HEBP1: variants seen among roughly 807,000 people sequenced by gnomAD.
HEBP1 encodes heme binding protein 1.
HEBP1 carries 13 observed loss-of-function variants against 20.4 expected under a neutral mutation model. That is an observed-to-expected ratio of 0.64 (90% confidence interval 0.42 to 1.01). The LOEUF (loss-of-function observed/expected upper bound fraction) is 1.01, where lower values mean the gene tolerates loss of function less well. Among genes scored for constraint, HEBP1 ranks in the 50% least tolerant of loss-of-function variants. The probability of loss-of-function intolerance (pLI) is 0.00; values close to 1 mark genes in which losing one functional copy is unlikely to be tolerated. For synonymous variants in HEBP1, 92 were observed against 90.7 expected (o/e 1.01, Z -0.08); for missense variants, 241 against 247.3 (o/e 0.97, Z 0.17).
intron 1 of HEBP1, among the ~76,000 whole-genome samples, chr12:12,992,788 A>G (rs1020186025): frequency 6.6e-6 from 1 of 152,154 alleles, no homozygotes; most frequent in Non-Finnish European, 1.5e-5. Flanking sequence ...GAGCGCACCT[A>G]CCCTTGGCAC....
At chr12:12,995,939 G>T (rs1864283777) in intron 1 of HEBP1, among the ~76,000 whole-genome samples, 1 of 152,160 alleles carries the variant, frequency 6.6e-6, no homozygotes, top group Non-Finnish European at 1.5e-5. Context: ...CCAGACAAAG[G>T]TTTAACAAGA....
chr12:12,993,181 CTT>C (rs1361158926), intron 1 of HEBP1, among the ~76,000 whole-genome samples: 182 of 111,004 alleles, frequency 1.6e-3, no homozygotes, highest in African/African-American at 5.8e-3. Context: ...CTCTCTCTCT[CTT>C]TCTTTCTCTT....
intron 3 of HEBP1, among the ~76,000 whole-genome samples, chr12:12,978,086 G>A (rs76084364): frequency 9.2e-5 from 14 of 152,066 alleles, no homozygotes; most frequent in African/African-American, 3.4e-4. Flanking sequence ...AGGGGACAGT[G>A]GTGGGAACTG....
chr12:12,999,982 G>T, intron 1 of HEBP1, 55 bp downstream of exon 1: 1 of 1,247,614 alleles, frequency 8.0e-7, no homozygotes, highest in Admixed American at 1.8e-5. Context: ...GCCCCGACGA[G>T]GGTGGGGGTG....
intron 3 of HEBP1, chr12:12,977,726 A>C (rs1864010642): frequency 6.6e-6 from 1 of 152,144 alleles, no homozygotes; most frequent in Non-Finnish European, 1.5e-5. Flanking sequence ...ACCCCATCCC[A>C]ATCTTCTTCC....
intron 1 of HEBP1, among the ~76,000 whole-genome samples, chr12:12,995,319 G>A (rs1408477617): frequency 6.6e-6 from 1 of 152,116 alleles, no homozygotes; most frequent in Non-Finnish European, 1.5e-5. Flanking sequence ...AGCCCCACAG[G>A]GTAAGGACTG....
At chr12:12,985,182 T>C (rs1447479200) in intron 3 of HEBP1, among the ~76,000 whole-genome samples, 1 of 151,988 alleles carries the variant, frequency 6.6e-6, no homozygotes, top group African/African-American at 2.4e-5. Context: ...AATCTGAGCA[T>C]TGAATATTTT....
At position 12,998,684 on chromosome 12, in the gene HEBP1, G is replaced by C. The variant is rs1864318975; in HGVS notation, c.78+1353C>G. On this transcript the variant is annotated intron_variant, in intron 1 of 3. Coordinates refer to ENST00000014930, the MANE Select transcript of HEBP1 (RefSeq NM_015987.5). The surrounding 1 kb of genome is among the most constrained non-coding windows in gnomAD (Gnocchi z 4.2). ...TAATTGAGGGCTTTCGTGATATGAA[G>C]ATCATTGTACTAGGTATCAGAACTT... 6.6e-6 allele frequency among the ~76,000 whole-genome samples: 1 copy of C among 152,214 alleles called. No individual in the cohort carries two copies. Among genetic ancestry groups the C allele is most frequent in the African/African-American group, 2.4e-5 (1 of 41,458 alleles).
chr12:12,989,556 C>T, intron 1 of HEBP1, 141 bp from the exon 2 acceptor site: 5 of 652,420 alleles, frequency 7.7e-6, no homozygotes, highest in Non-Finnish European at 5.2e-6. Flanking sequence ...GTATGAAGGG[C>T]CATGAGAAAT....
At chr12:12,985,635 G>A (rs1864142780) in intron 3 of HEBP1, 2 of 152,110 alleles carry the variant, frequency 1.3e-5, no homozygotes, top group Admixed American at 6.6e-5. Context: ...TGAACAGACA[G>A]AAGGGGTAAT....
At chr12:12,976,631 A>C (rs1348173693) in intron 3 of HEBP1, among the ~76,000 whole-genome samples, 1 of 152,254 alleles carries the variant, frequency 6.6e-6, no homozygotes, top group Non-Finnish European at 1.5e-5. Context: ...TGTGGATTGC[A>C]GCATCACTGA....
Position 12,987,195 on chromosome 12 carries a change from T to G in HEBP1, c.355A>C (p.Ser119Arg), listed in dbSNP as rs1864163530. Residue 119 changes from serine (S) to arginine (R), a missense_variant, in exon 3 of 4, where the codon AGC becomes CGC. By Grantham distance (110) the Ser-to-Arg change is moderately radical (BLOSUM62 -1). Transcript: ENST00000014930. Reference protein sequence around the residue: ...QSDPPAPSDKSVKIEEREGIT... With the variant: ...QSDPPAPSDKRVKIEEREGIT... ...CCTTCCCGTTCCTCAATCTTAACGCTTTTGTCACTGGGAGCTGGTGGGTCG... is the reference window on the plus strand; with the variant it reads ...CCTTCCCGTTCCTCAATCTTAACGCGTTTGTCACTGGGAGCTGGTGGGTCG... 1 of 1,613,962 alleles carries G rather than the reference T, an allele frequency of 6.2e-7. No individual in the cohort carries two copies. The highest frequency in any genetic ancestry group is 1.3e-5 in the African/African-American group (1 of 74,908).
intron 1 of HEBP1, among the ~76,000 whole-genome samples, chr12:12,991,096 G>C (rs190719458): frequency 2.0e-5 from 3 of 152,256 alleles, no homozygotes; most frequent in East Asian, 3.9e-4. Context: ...CTGGTCTCCC[G>C]CAGAGCTGGC....
intron 1 of HEBP1, among the ~76,000 whole-genome samples, chr12:12,992,744 C>T (rs1864240186): frequency 6.6e-6 from 1 of 152,160 alleles, no homozygotes; most frequent in African/African-American, 2.4e-5. Flanking sequence ...CTTTCTGTTG[C>T]TGCAGAGAAT....
chr12:12,985,610 C>T (rs987393918), intron 3 of HEBP1: 2 of 152,058 alleles, frequency 1.3e-5, no homozygotes, highest in Non-Finnish European at 2.9e-5. Flanking sequence ...TATCTCATTC[C>T]TTATGAAATA....
intron 3 of HEBP1, chr12:12,983,534 GT>G (rs1812130303): frequency 2.8e-6 from 1 of 358,692 alleles, no homozygotes; most frequent in African/African-American, 2.1e-5. Flanking sequence ...ATTTGAAGTA[GT>G]ACATTTGCCT....
Position 12,989,350 on chromosome 12 carries a change from A to T in HEBP1, c.144T>A (p.Asp48Glu). 2.5e-6 allele frequency: 4 copies of T among 1,614,186 alleles called. No individual in the cohort carries two copies. The highest frequency in any genetic ancestry group is 3.4e-6 in the Non-Finnish European group (4 of 1,180,010). ...GGKFATVEVTDKPVDEALREA... is the reference protein window; with the variant it reads ...GGKFATVEVTEKPVDEALREA... ...CCCGTAGAGCCTCATCCACAGGCTT[A>T]TCTGTCACTTCTACTGTGGCAAATT... Residue 48 changes from aspartate (D) to glutamate (E), a missense_variant, in exon 2 of 4, where the codon GAT (aspartate) becomes GAA (glutamate). Asp to Glu is a conservative substitution (Grantham distance 45). Transcript: ENST00000014930.
chr12:12,987,398 A>G (rs1864165876), intron 2 of HEBP1, 66 bp from the exon 3 acceptor site: 3 of 1,271,900 alleles, frequency 2.4e-6, no homozygotes, highest in Admixed American at 4.4e-5. Context: ...GCTGTGGAAG[A>G]CACATTAGTT....
At position 13,000,175 on chromosome 12, in the gene HEBP1, C is replaced by T. The variant is rs1393612173; in HGVS notation, c.-61G>A. On this transcript the variant is annotated 5_prime_UTR_variant, in exon 1 of 4. In the 5' UTR this introduces an upstream ATG that the reference lacks. Transcript: ENST00000014930. ...GTGAGGTGGCGGGGGCGACGGAGCA[C>T]CACGGGCAGCGACCACCGGCGGCAG... 7.7e-6 allele frequency: 9 copies of T among 1,166,706 alleles called. No individual in the cohort carries two copies. The Admixed American group carries it at 1.9e-4, about 24-fold the overall frequency. The allele number at this position is 1,166,706 out of a possible 1,614,324, so 72.3% of individuals were successfully genotyped here.
Sources: gnomAD v4.1 joint callset for allele counts (sites outside exome capture counted in the v4.1 genomes callset) on GRCh38, gnomAD v4.1.1 for gene constraint, Gnocchi (gnomAD v3.1) non-coding constraint, MANE v1.5 for transcripts, NCBI Gene and HGNC (gene_info 2026-07-23, HGNC 2026-07-21) for gene names.